The following THUMPD2 variants were observed in gnomAD, a reference collection of about 807,000 sequenced individuals.
THUMPD2 encodes the protein THUMP domain 2 tRNA and snRNA guanosine methyltransferase.
In THUMPD2, 56 loss-of-function variants were observed where a neutral mutation model predicts 49.4. The observed-to-expected ratio is 1.13, with a 90% confidence interval of 0.91 to 1.41. The LOEUF (loss-of-function observed/expected upper bound fraction) is 1.41, where lower values mean the gene tolerates loss of function less well. Ranked by LOEUF, THUMPD2 falls within the 40% of genes most tolerant of loss-of-function variation. The pLI, the probability that THUMPD2 is intolerant of heterozygous loss-of-function variation, is 0.00. For synonymous variants in THUMPD2, 237 were observed against 205.2 expected (o/e 1.15, Z -1.32); for missense variants, 709 against 594.5 (o/e 1.19, Z -2.00).
In THUMPD2 at chr2:39,757,792, A is replaced by G. The variant is rs974983447; in HGVS notation, c.892-1832T>C. 6.6e-5 allele frequency among the ~76,000 whole-genome samples: 10 copies of G among 152,232 alleles called. 1 individual carries two copies. Among genetic ancestry groups the G allele is most frequent in the Admixed American group, 2.0e-4 (3 of 15,284 alleles). ...ACAGTTTATAGTAAACATGATAAAT[A>G]ACAAACATCCCATTTTTAAATTTCA... On this transcript the variant is annotated intron_variant, in intron 6 of 9. Transcript: ENST00000505747.
intron 1 of THUMPD2, among the ~76,000 whole-genome samples, chr2:39,775,627 T>C (rs1326432252): frequency 6.6e-6 from 1 of 151,348 alleles, no homozygotes. Context: ...ATACAAAAAT[T>C]AGCTGGGCAC....
At chr2:39,771,376 A>T in intron 2 of THUMPD2, 129 bp downstream of exon 2, 1 of 997,482 alleles carries the variant, frequency 1.0e-6, no homozygotes, top group Non-Finnish European at 1.4e-6. Context: ...ACAGAAAAAT[A>T]CATAATTAAT....
chr2:39,769,452 A>T (rs1572868145), intron 3 of THUMPD2: 1 of 351,136 alleles, frequency 2.8e-6, no homozygotes, highest in East Asian at 5.0e-5. Context: ...CTGTAATCCC[A>T]GCACTTTGGG....
At chr2:39,771,718 C>A (rs1223067558) in intron 1 of THUMPD2, 78 bp from the exon 2 acceptor site, 30 of 1,395,772 alleles carry the variant, frequency 2.1e-5, no homozygotes, top group Non-Finnish European at 2.7e-5. Flanking sequence ...GATATAGCAT[C>A]TAAATTAAAA....
chr2:39,759,939 C>G (rs1268055897), intron 6 of THUMPD2, among the ~76,000 whole-genome samples: 1 of 152,172 alleles, frequency 6.6e-6, no homozygotes, highest in African/African-American at 2.4e-5. Context: ...TAAACCAGAG[C>G]AGAGGCCTCA....
At chr2:39,750,699 T>A (rs1189079325) in intron 8 of THUMPD2, among the ~76,000 whole-genome samples, 1 of 124,040 alleles carries the variant, frequency 8.1e-6, no homozygotes, top group African/African-American at 3.7e-5. Context: ...AGGGCAAGAC[T>A]GTTTCAAAAA....
At chr2:39,749,181 C>A (rs1466901698) in intron 8 of THUMPD2, among the ~76,000 whole-genome samples, 1 of 152,114 alleles carries the variant, frequency 6.6e-6, no homozygotes, top group Non-Finnish European at 1.5e-5. Context: ...CATAAGCACA[C>A]AGATTGGCAA....
Position 39,766,127 on chromosome 2 carries a change from G to A in THUMPD2, c.751-18C>T. ...ATAAAGATCTGAAAGAACAAACACA[G>A]AAGTTAGAATGGAACAAGAAACTTC... On this transcript the variant is annotated intron_variant, in intron 4 of 9. Transcript: ENST00000505747. The A allele has an allele frequency of 6.5e-7, 1 of 1,546,764 alleles. No homozygotes were observed.
At position 39,772,112 on chromosome 2, in the gene THUMPD2, C is replaced by T. The variant is rs553761647; in HGVS notation, c.127-472G>A. ...ACTAAGTAGCAATGACTATGAAAGC[C>T]GACATTACAAAGAGTCTTGGGAAAG... On this transcript the variant is annotated intron_variant, in intron 1 of 9. Transcript: ENST00000505747. Among the ~76,000 whole-genome samples the T allele has an allele frequency of 7.9e-5, 12 of 152,074 alleles. No homozygotes were observed. The South Asian group carries it at 2.1e-3, about 26-fold the overall frequency.
intron 2 of THUMPD2, 152 bp downstream of exon 2, chr2:39,771,353 A>G: frequency 3.6e-6 from 3 of 841,694 alleles, no homozygotes; most frequent in Non-Finnish European, 5.3e-6. Flanking sequence ...TCAGGTGATA[A>G]TATTCAGGAA....
At position 39,779,194 on chromosome 2, in the gene THUMPD2, C is replaced by T. The variant is rs781392459; in HGVS notation, c.46G>A (p.Ala16Thr). 8.6e-6 allele frequency: 13 copies of T among 1,517,694 alleles called. No homozygotes were observed. In the African/African-American group the frequency reaches 1.7e-4, roughly 20 times the overall value. 94.0% of individuals were successfully genotyped at this position (1,517,694 alleles called of 1,614,324 possible). A position where few individuals can be genotyped will look rare whatever the true frequency, so the allele number is the denominator to read the frequency against. ...CGACCCGCAGTGCAGAAGAATCGGG[C>T]GCCAGCCTCAGGCCCGGACCCTGGC... is the stretch of plus-strand genomic sequence containing the variant. ...GEPGSGPEAG[A>T]RFFCTAGRGL... is the part of the protein sequence containing the mutation. Residue 16 changes from alanine (A) to threonine (T), a missense_variant, in exon 1 of 10, where the codon GCC becomes ACC. Physicochemically the swap from Ala to Thr is moderately conservative, Grantham distance 58. Transcript: ENST00000505747.
chr2:39,740,028 T>C (rs1366214695), intron 9 of THUMPD2, among the ~76,000 whole-genome samples: 1 of 152,228 alleles, frequency 6.6e-6, no homozygotes, highest in Non-Finnish European at 1.5e-5. Flanking sequence ...TAATATTTAT[T>C]GAGTACTTAA....
At chr2:39,777,397 G>T (rs559170457) in intron 1 of THUMPD2, among the ~76,000 whole-genome samples, 1 of 152,222 alleles carries the variant, frequency 6.6e-6, no homozygotes, top group East Asian at 1.9e-4. Context: ...GATTCCCATG[G>T]TAATTTAGCC....
chr2:39,752,717 T>C (rs1027502934), intron 8 of THUMPD2, among the ~76,000 whole-genome samples: 2 of 152,176 alleles, frequency 1.3e-5, no homozygotes, highest in African/African-American at 4.8e-5. Flanking sequence ...AGAAGAATCA[T>C]TTACAAATGA....
chr2:39,766,627 A>C (rs1425959236), intron 4 of THUMPD2, among the ~76,000 whole-genome samples: 1 of 152,208 alleles, frequency 6.6e-6, no homozygotes, highest in Non-Finnish European at 1.5e-5. Context: ...GGCCATGAAG[A>C]GTATTTAAGC....
chr2:39,773,731 A>T (rs1179934134), intron 1 of THUMPD2, among the ~76,000 whole-genome samples: 1 of 151,662 alleles, frequency 6.6e-6, no homozygotes, highest in Non-Finnish European at 1.5e-5. Flanking sequence ...GCATCAAATC[A>T]TAAGAATAGT....
chr2:39,736,589 T>C lies in THUMPD2; in HGVS notation c.*146A>G. On this transcript the variant is annotated 3_prime_UTR_variant, in exon 10 of 10. Transcript: ENST00000505747. ...ATAAAGCAGAAACTCTTACCAAGCA[T>C]GTGTACCCATCAGCCACACCTCCTG... 1.6e-6 allele frequency: 1 copy of C among 639,382 alleles called. No homozygotes were observed. The highest frequency in any genetic ancestry group is 2.7e-6 in the Non-Finnish European group (1 of 375,488). 39.6% of individuals were successfully genotyped at this position (639,382 alleles called of 1,614,324 possible).
rs749484381 is a variant in THUMPD2, at chr2:39,744,399, G to A, written c.1158C>T (p.Asp386=). 5.7e-6 allele frequency: 9 copies of A among 1,583,108 alleles called. No homozygotes were observed. The highest frequency in any genetic ancestry group is 1.9e-5 in the Admixed American group (1 of 53,564). The change falls in exon 9 of 10, where the codon GAC becomes GAT. Residue 386 remains aspartate, a synonymous_variant. Coordinates refer to ENST00000505747, the MANE Select transcript of THUMPD2 (RefSeq NM_025264.5). ...CCATTTCTTGTAGAATGCTTTTGAT[G>A]TCTTTTCCTAACTTAAACTTTTTCC... ...PFGKKFKLGK[D]IKSILQEMER...
At chr2:39,758,810 C>T (rs1156923900) in intron 6 of THUMPD2, among the ~76,000 whole-genome samples, 1 of 150,782 alleles carries the variant, frequency 6.6e-6, no homozygotes, top group Non-Finnish European at 1.5e-5. Context: ...AGGAGGAGGT[C>T]CCTCAGTAGT....
Sources: allele counts gnomAD v4.1 joint callset (sites outside exome capture counted in the v4.1 genomes callset), GRCh38; gene constraint gnomAD v4.1.1; transcripts MANE v1.5; gene names NCBI Gene and HGNC (gene_info 2026-07-23, HGNC 2026-07-21).